The following HEPH variants were observed in gnomAD, a reference collection of about 807,000 sequenced individuals.
HEPH encodes hephaestin.
A neutral mutation model predicts 80.8 loss-of-function variants in HEPH; 69 were observed. The ratio of observed to expected loss-of-function variants is 0.85; its 90% CI spans 0.70 to 1.04. HEPH has a LOEUF of 1.04. Among genes scored for constraint, HEPH ranks in the 50% least tolerant of loss-of-function variants. The pLI, the probability that HEPH is intolerant of heterozygous loss-of-function variation, is 0.00. For synonymous variants in HEPH, 431 were observed against 322.8 expected (o/e 1.34, Z -3.60); for missense variants, 1,115 against 891.3 (o/e 1.25, Z -3.20).
At chrX:66,186,397 G>A (rs1379692326) in intron 4 of HEPH, among the ~76,000 whole-genome samples, 1 of 111,555 alleles carries the variant, frequency 9.0e-6, no homozygotes, top group Non-Finnish European at 1.9e-5. Flanking sequence ...GTGGGATATA[G>A]TCTCGTGGTG....
chrX:66,255,112 A>G lies in HEPH; in HGVS notation c.2641A>G (p.Ile881Val). 8.3e-7 allele frequency: 1 copy of G among 1,205,381 alleles called. No homozygotes were observed. The highest frequency in any genetic ancestry group is 1.7e-5 in the African/African-American group (1 of 57,393). The change falls in exon 16 of 21, where the codon ATC becomes GTC. Residue 881 changes from isoleucine (I) to valine (V), a missense_variant. Around this residue, in one of 3 missense-constraint regions of HEPH, gnomAD observed 716 missense variants for 523.5 expected, o/e 1.37. Coordinates refer to ENST00000343002, the MANE Select transcript of HEPH (RefSeq NM_001367233.3). ...GPNDSACVSW[I>V]YYSAVDPIKD... ...CAATGACTCTGCTTGTGTTTCCTGGATCTATTATTCTGCAGTGGATCCCAT... is the reference window on the plus strand; with the variant it reads ...CAATGACTCTGCTTGTGTTTCCTGGGTCTATTATTCTGCAGTGGATCCCAT...
At chrX:66,260,645 A>G (rs1035687341) in intron 19 of HEPH, among the ~76,000 whole-genome samples, 12 of 112,781 alleles carry the variant, frequency 1.1e-4, no homozygotes, top group Admixed American at 1.0e-3. Context: ...TCATTAGAGT[A>G]ACTGATTATT....
chrX:66,231,114 C>T (rs1165017540), intron 15 of HEPH, among the ~76,000 whole-genome samples: 1 of 109,600 alleles, frequency 9.1e-6, no homozygotes, highest in African/African-American at 3.3e-5. Context: ...TCTGAGGGCT[C>T]TGTTCTGTTC....
intron 4 of HEPH, among the ~76,000 whole-genome samples, chrX:66,186,459 C>G (rs907120412): frequency 8.9e-6 from 1 of 112,100 alleles, no homozygotes. Flanking sequence ...GGGAGTGACC[C>G]GATTTTCCAG....
Position 66,197,801 on chromosome X carries a change from C to T in HEPH, c.1620C>T (p.Phe540=), listed in dbSNP as rs766933299. ...CTGCTTGTCTCACTTGGATGTACTTCTCTGCTGCAGATCCCATAAGAGACA... is the reference window on the plus strand; with the variant it reads ...CTGCTTGTCTCACTTGGATGTACTTTTCTGCTGCAGATCCCATAAGAGACA... The part of the protein sequence containing the change: ...QDPACLTWMY[F]SAADPIRDTN... Residue 540 remains phenylalanine, a synonymous_variant, in exon 10 of 21, where the codon TTC becomes TTT. Transcript: ENST00000343002. 6.6e-6 allele frequency: 8 copies of T among 1,211,563 alleles called. No homozygotes were observed. Among genetic ancestry groups the T allele is most frequent in the South Asian group, 1.8e-5 (1 of 56,895 alleles).
intron 15 of HEPH, among the ~76,000 whole-genome samples, chrX:66,208,637 TA>T (rs2088940590): frequency 3.4e-5 from 1 of 29,049 alleles, no homozygotes; most frequent in African/African-American, 2.1e-4. Context: ...CATACATATA[TA>T]TATATATATA....
intron 15 of HEPH, among the ~76,000 whole-genome samples, chrX:66,213,800 C>T (rs1402251019): frequency 8.9e-6 from 1 of 112,056 alleles, no homozygotes; most frequent in African/African-American, 3.2e-5. Flanking sequence ...TAGGACAAAA[C>T]AAACATTCCT....
chrX:66,254,450 G>A (rs1602541626), intron 15 of HEPH, among the ~76,000 whole-genome samples: 1 of 111,306 alleles, frequency 9.0e-6, no homozygotes, highest in South Asian at 3.8e-4. Context: ...TCAAAGGAGG[G>A]AGGTGAGTTC....
intron 15 of HEPH, among the ~76,000 whole-genome samples, chrX:66,231,742 C>A (rs1317101946): frequency 9.3e-6 from 1 of 107,780 alleles, no homozygotes; most frequent in East Asian, 2.9e-4. Flanking sequence ...ATTTGACTTC[C>A]TCTTTTCCTA....
intron 15 of HEPH, among the ~76,000 whole-genome samples, chrX:66,220,134 G>A (rs2089578828): frequency 1.8e-5 from 2 of 111,212 alleles, no homozygotes; most frequent in South Asian, 7.6e-4. Context: ...CAGGAACTGG[G>A]TCTGTAGGTA....
At chrX:66,213,536 T>G (rs1382296499) in intron 15 of HEPH, among the ~76,000 whole-genome samples, 1 of 112,126 alleles carries the variant, frequency 8.9e-6, no homozygotes, top group Non-Finnish European at 1.9e-5. Context: ...TTGGTTAAAA[T>G]TTTTACTATG....
At chrX:66,213,207 C>A (rs2089228456) in intron 15 of HEPH, among the ~76,000 whole-genome samples, 1 of 107,275 alleles carries the variant, frequency 9.3e-6, no homozygotes, top group Non-Finnish European at 1.9e-5. Context: ...ACAACAGTCC[C>A]CAGAGTGTGA....
chrX:66,175,665 T>G (rs2086770311), intron 4 of HEPH, among the ~76,000 whole-genome samples: 1 of 111,891 alleles, frequency 8.9e-6, no homozygotes, highest in Non-Finnish European at 1.9e-5. Flanking sequence ...CATTTGTTTG[T>G]GTCATCCATG....
intron 4 of HEPH, among the ~76,000 whole-genome samples, chrX:66,186,213 AG>A (rs2087422091): frequency 3.0e-5 from 3 of 99,304 alleles, no homozygotes; most frequent in Non-Finnish European, 6.0e-5. Context: ...GGCCTCCTTG[AG>A]CTGTGGTGGG....
intron 15 of HEPH, among the ~76,000 whole-genome samples, chrX:66,238,285 C>G (rs1175140968): frequency 9.0e-6 from 1 of 111,290 alleles, no homozygotes; most frequent in Non-Finnish European, 1.9e-5. Flanking sequence ...GTGTTTCCTT[C>G]AGGAGCTCTT....
chrX:66,238,481 G>A (rs1437346548), intron 15 of HEPH, among the ~76,000 whole-genome samples: 2 of 111,226 alleles, frequency 1.8e-5, no homozygotes, highest in East Asian at 5.6e-4. Flanking sequence ...GGAATTCAAG[G>A]TTGCATGTAG....
chrX:66,190,455 A>G (rs1336074879), intron 6 of HEPH, among the ~76,000 whole-genome samples: 1 of 111,639 alleles, frequency 9.0e-6, no homozygotes, highest in Non-Finnish European at 1.9e-5. Context: ...GGAGCATCAG[A>G]TGCATCAGAG....
intron 15 of HEPH, among the ~76,000 whole-genome samples, chrX:66,231,653 C>T (rs1394435625): frequency 9.1e-6 from 1 of 109,531 alleles, no homozygotes; most frequent in Non-Finnish European, 1.9e-5. Context: ...GCTGAAGTTG[C>T]TTATCAGCTT....
rs777322110 is a variant in HEPH, at chrX:66,173,713, G to A, written c.537G>A (p.Ala179=). 40 of 1,207,584 alleles carry A rather than the reference G, an allele frequency of 3.3e-5. No individual in the cohort carries two copies. In the East Asian group the frequency reaches 6.2e-4, roughly 19 times the overall value. Residue 179 remains alanine (A), a synonymous_variant, in exon 4 of 21, where the codon GCG becomes GCA. Transcript: ENST00000343002. ...EGHAPTDADP[A]CLTWIYHSHV... ...ATGCACCCACCGATGCTGACCCAGC[G>A]TGCCTCACCTGGATCTACCATTCTC...
Sources: gnomAD v4.1 joint callset for allele counts (sites outside exome capture counted in the v4.1 genomes callset) on GRCh38, gnomAD v4.1.1 for gene constraint, gnomAD v4.1.1 regional missense constraint, MANE v1.5 for transcripts, NCBI Gene and HGNC (gene_info 2026-07-23, HGNC 2026-07-21) for gene names.